The following ANGPT4 variants were observed in gnomAD, a reference collection of about 807,000 sequenced individuals.
ANGPT4 encodes angiopoietin 4.
In ANGPT4, 50 loss-of-function variants were observed where a neutral mutation model predicts 53.0. That is an observed-to-expected ratio of 0.94 (90% CI 0.75 to 1.20). The LOEUF is 1.20. Ranked by LOEUF, ANGPT4 falls within the 50% of genes most tolerant of loss-of-function variation. The pLI is 0.00. For missense variants in ANGPT4, 648 were observed against 637.1 expected (o/e 1.02, Z -0.18); for synonymous variants, 251 against 259.7 (o/e 0.97, Z 0.32).
In ANGPT4 at chr20:878,233, TGCAGCTCCACAC is replaced by T. The variant is rs1981249348; in HGVS notation, c.1136_1147del (p.Arg379_Leu382del). 5 of 1,613,146 alleles carry T rather than the reference TGCAGCTCCACAC, an allele frequency of 3.1e-6. No individual in the cohort carries two copies. Among genetic ancestry groups the T allele is most frequent in the Non-Finnish European group, 4.2e-6 (5 of 1,179,202 alleles). Reference sequence around the variant, plus strand: ...ATAGGCCTCGTGGCCTTCCCAGTCTTGCAGCTCCACACGCAGAGAGTAGGCTGCCCTTCTGGT... The same window carrying T: ...ATAGGCCTCGTGGCCTTCCCAGTCTTGCAGAGAGTAGGCTGCCCTTCTGGT... On this transcript the variant is annotated inframe_deletion, in exon 7 of 9. Coordinates refer to ENST00000381922, the MANE Select transcript of ANGPT4 (RefSeq NM_015985.4).
intron 2 of ANGPT4, among the ~76,000 whole-genome samples, chr20:889,043 G>A (rs545793123): frequency 2.6e-5 from 4 of 152,220 alleles, no homozygotes; most frequent in African/African-American, 7.2e-5. Context: ...CTGCCAGCAC[G>A]TCCATCCTCC....
At chr20:907,490 C>G (rs1250312060) in intron 1 of ANGPT4, among the ~76,000 whole-genome samples, 1 of 152,162 alleles carries the variant, frequency 6.6e-6, no homozygotes, top group African/African-American at 2.4e-5. Context: ...CGCTCACCTC[C>G]CTGACACTTG....
chr20:899,714 C>T (rs1249323100), intron 1 of ANGPT4, among the ~76,000 whole-genome samples: 3 of 152,168 alleles, frequency 2.0e-5, no homozygotes, highest in Admixed American at 2.0e-4. Context: ...GTGCCAAACC[C>T]ATATACTCTC....
rs775920001 is a variant in ANGPT4, at chr20:890,292, G to T, written c.386C>A (p.Ala129Asp). 6.2e-7 allele frequency: 1 copy of T among 1,613,914 alleles called. No individual in the cohort carries two copies. The highest frequency in any genetic ancestry group is 8.5e-7 in the Non-Finnish European group (1 of 1,179,996). Residue 129 changes from alanine to aspartate, a missense_variant, in exon 2 of 9, where the codon GCC becomes GAC. Physicochemically the swap from Ala to Asp is moderately radical, Grantham distance 126. Coordinates refer to ENST00000381922, the MANE Select transcript of ANGPT4 (RefSeq NM_015985.4). ...GCTGGTGCCCAGCTCTAGCATGGGG[G>T]CCGTCTGATTCTGGGCCATTTGCTG... ...VQQQMAQNQT[A>D]PMLELGTSLL...
At chr20:888,018 C>T (rs1981681485) in intron 3 of ANGPT4, among the ~76,000 whole-genome samples, 1 of 152,102 alleles carries the variant, frequency 6.6e-6, no homozygotes, top group Admixed American at 6.5e-5. Flanking sequence ...CTAGCCCAGC[C>T]CCGTATCCAC....
At chr20:879,039 A>T (rs1600042922) in intron 6 of ANGPT4, among the ~76,000 whole-genome samples, 1 of 152,342 alleles carries the variant, frequency 6.6e-6, no homozygotes, top group East Asian at 1.9e-4. Flanking sequence ...GTATTTCTGC[A>T]CCTGGACACC....
rs144442482 is a variant in ANGPT4 at position 916,045 on chromosome 20, G to A, written c.170C>T (p.Pro57Leu). 5.0e-4 allele frequency: 807 copies of A among 1,614,178 alleles called. No homozygotes were observed. Among genetic ancestry groups the A allele is most frequent in the African/African-American group, 5.9e-4 (44 of 75,050 alleles). ...FLLPKSEPCP[P>L]GPEVSRDSNT... ...GGAGTCCCTGGAGACCTCAGGCCCC[G>A]GAGGGCAGGGCTCAGACTTGGGCAG... The change falls in exon 1 of 9, where the codon CCG becomes CTG. Residue 57 changes from proline (P) to leucine (L), a missense_variant. Physicochemically the swap from Pro to Leu is moderately conservative, Grantham distance 98. Coordinates refer to ENST00000381922, the MANE Select transcript of ANGPT4 (RefSeq NM_015985.4).
At chr20:887,716 T>C (rs566815043) in intron 3 of ANGPT4, among the ~76,000 whole-genome samples, 2 of 151,138 alleles carry the variant, frequency 1.3e-5, no homozygotes, top group East Asian at 1.9e-4. Context: ...TCTCTGATAG[T>C]GTGGACAAGA....
At chr20:876,130 A>G (rs1193628304) in intron 7 of ANGPT4, among the ~76,000 whole-genome samples, 3 of 138,510 alleles carry the variant, frequency 2.2e-5, no homozygotes, top group Non-Finnish European at 3.1e-5. Context: ...TGGGCAACAG[A>G]GTAAGCCCTG....
intron 7 of ANGPT4, among the ~76,000 whole-genome samples, chr20:876,222 G>A (rs1056994158): frequency 4.0e-5 from 6 of 151,810 alleles, no homozygotes; most frequent in Non-Finnish European, 8.8e-5. Flanking sequence ...GCAGCTCAAG[G>A]AAGCTCTTGT....
At chr20:903,634 C>A (rs1982368709) in intron 1 of ANGPT4, among the ~76,000 whole-genome samples, 1 of 152,190 alleles carries the variant, frequency 6.6e-6, no homozygotes, top group South Asian at 2.1e-4. Context: ...GAACAAAATT[C>A]TTTGCTTTGG....
intron 8 of ANGPT4, among the ~76,000 whole-genome samples, 156 bp downstream of exon 8, chr20:874,128 A>C (rs1981062770): frequency 6.6e-6 from 1 of 152,174 alleles, no homozygotes; most frequent in Admixed American, 6.5e-5. Flanking sequence ...AAGGCACCGA[A>C]GGGGCACAGC....
intron 1 of ANGPT4, among the ~76,000 whole-genome samples, chr20:896,060 T>C (rs1982036766): frequency 3.3e-5 from 5 of 152,016 alleles, no homozygotes. Flanking sequence ...CATACCTCAG[T>C]AAAAAACAAC....
At chr20:903,308 G>A (rs1232609592) in intron 1 of ANGPT4, among the ~76,000 whole-genome samples, 1 of 152,182 alleles carries the variant, frequency 6.6e-6, no homozygotes. Flanking sequence ...GAGCTGCCCT[G>A]CTTTCCTTTG....
intron 5 of ANGPT4, among the ~76,000 whole-genome samples, chr20:880,207 G>A (rs558468627): frequency 6.6e-6 from 1 of 152,262 alleles, no homozygotes; most frequent in East Asian, 1.9e-4. Context: ...ACGGAAGCTC[G>A]ACCTCTTTTT....
At chr20:874,482 A>T (rs1407162450) in intron 7 of ANGPT4, 68 bp from the exon 8 acceptor site, 1 of 1,589,234 alleles carries the variant, frequency 6.3e-7, no homozygotes, top group East Asian at 2.3e-5. Context: ...GTCGAGCAAG[A>T]ACTTCCCCAG....
chr20:874,716 T>C (rs150952922), intron 7 of ANGPT4, among the ~76,000 whole-genome samples: 49 of 152,298 alleles, frequency 3.2e-4, no homozygotes, highest in African/African-American at 9.1e-4. Flanking sequence ...CTAATACATA[T>C]ACATTTTTTT....
chr20:903,450 C>T (rs1982361883), intron 1 of ANGPT4, among the ~76,000 whole-genome samples: 3 of 152,158 alleles, frequency 2.0e-5, no homozygotes, highest in African/African-American at 7.2e-5. Context: ...ATCAAAGCTT[C>T]CTTGATACTG....
intron 5 of ANGPT4, among the ~76,000 whole-genome samples, chr20:880,598 A>AG (rs11484290): frequency 6.6e-6 from 1 of 151,516 alleles, no homozygotes; most frequent in African/African-American, 2.4e-5. Context: ...AAAAAAAAAA[A>AG]GGGAATTATG....
Sources: gnomAD v4.1 joint callset for allele counts (sites outside exome capture counted in the v4.1 genomes callset) on GRCh38, gnomAD v4.1.1 for gene constraint, MANE v1.5 for transcripts, NCBI Gene and HGNC (gene_info 2026-07-23, HGNC 2026-07-21) for gene names.